Variants in SLC25A33 observed in about 807,000 individuals in gnomAD.
SLC25A33 encodes the protein bone marrow stromal cell mitochondrial carrier protein.
In SLC25A33, 15 loss-of-function variants were observed where a neutral mutation model predicts 35.5. The ratio of observed to expected loss-of-function variants is 0.42; its 90% CI spans 0.28 to 0.65. SLC25A33 has a LOEUF of 0.65. SLC25A33 is among the 30% of genes least tolerant of loss of function. The pLI is 0.20. For missense variants in SLC25A33, 257 were observed against 398.5 expected (o/e 0.64, Z 3.02); for synonymous variants, 136 against 148.7 (o/e 0.91, Z 0.62).
At chr1:9,554,215 G>A (rs553928340) in intron 2 of SLC25A33, among the ~76,000 whole-genome samples, 4 of 152,184 alleles carry the variant, frequency 2.6e-5, no homozygotes, top group South Asian at 2.1e-4. Flanking sequence ...GAAGAATCTC[G>A]CTCTGTCACC....
At chr1:9,541,764 G>T (rs1643086101) in intron 1 of SLC25A33, among the ~76,000 whole-genome samples, 1 of 149,798 alleles carries the variant, frequency 6.7e-6, no homozygotes, top group Non-Finnish European at 1.5e-5. Flanking sequence ...TTTCTGCTCA[G>T]TGATTTTGAC....
intron 5 of SLC25A33, chr1:9,576,780 C>G: frequency 3.4e-6 from 4 of 1,161,484 alleles, no homozygotes; most frequent in Non-Finnish European, 5.0e-6. Flanking sequence ...AAAAATACAC[C>G]CGCAGGGTTC....
At position 9,544,394 on chromosome 1, in the gene SLC25A33, G is replaced by A. The variant is rs577772923; in HGVS notation, c.56+4647G>A. ...AGCAATTCTCGTGCCTCAGCCTCCCGAGGAGCTGTAATTACAGGCACGTGC... is the reference window on the plus strand; with the variant it reads ...AGCAATTCTCGTGCCTCAGCCTCCCAAGGAGCTGTAATTACAGGCACGTGC... On this transcript the variant is annotated intron_variant, in intron 1 of 6. Transcript: ENST00000302692. Among the ~76,000 whole-genome samples, 67 of 151,008 alleles carry A rather than the reference G, an allele frequency of 4.4e-4. 1 individual carries two copies. Among genetic ancestry groups the A allele is most frequent in the African/African-American group, 1.5e-3 (62 of 41,180 alleles).
intron 1 of SLC25A33, among the ~76,000 whole-genome samples, chr1:9,546,060 A>G (rs1557523536): frequency 6.6e-6 from 1 of 152,142 alleles, no homozygotes; most frequent in Non-Finnish European, 1.5e-5. Context: ...TAGACTTCAA[A>G]GAATATCCCT....
intron 1 of SLC25A33, among the ~76,000 whole-genome samples, chr1:9,540,510 C>T (rs1352350539): frequency 6.6e-6 from 1 of 151,822 alleles, no homozygotes; most frequent in Non-Finnish European, 1.5e-5. Context: ...AGATGGTACC[C>T]CTCGCCACCT....
intron 5 of SLC25A33, among the ~76,000 whole-genome samples, chr1:9,575,478 G>C (rs1643650716): frequency 6.6e-6 from 1 of 152,050 alleles, no homozygotes; most frequent in Admixed American, 6.6e-5. Context: ...AGCCAGGCGT[G>C]GTGGTGGGCG....
chr1:9,541,199 G>C (rs1643075249), intron 1 of SLC25A33, among the ~76,000 whole-genome samples: 1 of 150,128 alleles, frequency 6.7e-6, no homozygotes, highest in Admixed American at 6.7e-5. Context: ...TGTAGCCCAG[G>C]CTGGAGTGCA....
chr1:9,539,977 C>T (rs2100361392), intron 1 of SLC25A33, among the ~76,000 whole-genome samples: 1 of 152,254 alleles, frequency 6.6e-6, no homozygotes, highest in Non-Finnish European at 1.5e-5. Context: ...CGGCTGTGCC[C>T]CGCCGCCCGT....
intron 1 of SLC25A33, among the ~76,000 whole-genome samples, chr1:9,541,566 C>T (rs1643082258): frequency 6.6e-6 from 1 of 152,282 alleles, no homozygotes; most frequent in South Asian, 2.1e-4. Context: ...GCTGGGATTA[C>T]AGGCGTGAGC....
At chr1:9,580,331 G>T in intron 6 of SLC25A33, 97 bp downstream of exon 6, 1 of 1,476,116 alleles carries the variant, frequency 6.8e-7, no homozygotes, top group Non-Finnish European at 9.2e-7. Flanking sequence ...TTGAGGCGCA[G>T]GATCCCTGCA....
intron 2 of SLC25A33, among the ~76,000 whole-genome samples, chr1:9,564,188 C>T (rs1013252773): frequency 6.6e-6 from 1 of 152,168 alleles, no homozygotes; most frequent in African/African-American, 2.4e-5. Context: ...GGAAAAATGC[C>T]TCTAAAGAAT....
At chr1:9,539,794 C>T (rs751779950) in intron 1 of SLC25A33, 47 bp downstream of exon 1, 24 of 1,305,812 alleles carry the variant, frequency 1.8e-5, no homozygotes, top group South Asian at 2.1e-5. Context: ...CTGCGGTCCC[C>T]TCGGCCTTCG....
At chr1:9,576,683 AG>A in intron 5 of SLC25A33, 1 of 651,560 alleles carries the variant, frequency 1.5e-6, no homozygotes, top group South Asian at 1.4e-5. Context: ...TTCTGTTACA[AG>A]ATGAGGTCTG....
chr1:9,567,438 T>G lies in SLC25A33; in HGVS notation c.314+77T>G. 3.8e-6 allele frequency: 5 copies of G among 1,299,156 alleles called. No homozygotes were observed. In the South Asian group the frequency reaches 5.2e-5, roughly 14 times the overall value. 80.5% of individuals were successfully genotyped at this position (1,299,156 alleles called of 1,614,324 possible). A position where few individuals can be genotyped will look rare whatever the true frequency, so the allele number is the denominator to read the frequency against. The stretch of plus-strand genomic sequence containing the variant: ...GTCCTTTCTTACCAAAGGGTGATGC[T>G]GCTGAATGACCAGTGTCTTTTTCTA... On this transcript the variant is annotated intron_variant, in intron 3 of 6. Coordinates refer to ENST00000302692, the MANE Select transcript of SLC25A33 (RefSeq NM_032315.3).
At position 9,582,423 on chromosome 1, in the gene SLC25A33, C is replaced by T. The variant is rs1249192463; in HGVS notation, c.888C>T (p.Ile296=). ...AFYRGLFAQL[I]RQIPNTAIVL... ...ATAGAGGACTGTTTGCCCAGCTTAT[C>T]CGGCAGATCCCAAATACTGCCATTG... Residue 296 remains isoleucine, a synonymous_variant, in exon 7 of 7, where the codon ATC becomes ATT. Transcript: ENST00000302692. The surrounding 1 kb of genome is among the most constrained non-coding windows in gnomAD (Gnocchi z 4.0). 14 of 1,613,842 alleles carry T rather than the reference C, an allele frequency of 8.7e-6. No individual in the cohort carries two copies. Among genetic ancestry groups the T allele is most frequent in the Non-Finnish European group, 1.2e-5 (14 of 1,179,858 alleles).
intron 6 of SLC25A33, among the ~76,000 whole-genome samples, chr1:9,580,866 AATAATAAT>A (rs1292776325): frequency 9.8e-6 from 1 of 101,954 alleles, no homozygotes; most frequent in African/African-American, 4.3e-5. Context: ...AAAAAAAAAA[AATAATAAT>A]AATAATAATA....
chr1:9,567,512 T>C (rs1390849946), intron 3 of SLC25A33, 151 bp downstream of exon 3: 7 of 628,530 alleles, frequency 1.1e-5, no homozygotes, highest in Non-Finnish European at 1.9e-5. Context: ...TCATTGAGAA[T>C]GCTAGGCGTG....
chr1:9,577,894 T>G (rs964144458), intron 5 of SLC25A33, among the ~76,000 whole-genome samples: 7 of 152,094 alleles, frequency 4.6e-5, no homozygotes, highest in Admixed American at 2.0e-4. Flanking sequence ...TAGCCCCAAA[T>G]GTGAATAGCG....
At chr1:9,572,575 G>T (rs991588913) in intron 4 of SLC25A33, among the ~76,000 whole-genome samples, 2 of 151,948 alleles carry the variant, frequency 1.3e-5, no homozygotes, top group Admixed American at 6.6e-5. Flanking sequence ...CCGAGATCGC[G>T]CCACTGCACT....
Sources: gnomAD v4.1 joint callset for allele counts (sites outside exome capture counted in the v4.1 genomes callset) on GRCh38, gnomAD v4.1.1 for gene constraint, Gnocchi (gnomAD v3.1) non-coding constraint, MANE v1.5 for transcripts, NCBI Gene and HGNC (gene_info 2026-07-23, HGNC 2026-07-21) for gene names.